SLCO2B1: variants seen among roughly 807,000 people sequenced by gnomAD.
SLCO2B1 encodes the protein OATP-RP2.
In SLCO2B1, 41 loss-of-function variants were observed where a neutral mutation model predicts 67.3. The ratio of observed to expected loss-of-function variants is 0.61; its 90% CI spans 0.47 to 0.79. The LOEUF is 0.79. Among genes scored for constraint, SLCO2B1 ranks in the 30% least tolerant of loss-of-function variants. The pLI, the probability that SLCO2B1 is intolerant of heterozygous loss-of-function variation, is 0.00. For missense variants in SLCO2B1, 837 were observed against 920.1 expected (o/e 0.91, Z 1.17); for synonymous variants, 379 against 381.4 (o/e 0.99, Z 0.07).
At chr11:75,153,582 T>G (rs1949714951) in intron 1 of SLCO2B1, among the ~76,000 whole-genome samples, 1 of 152,198 alleles carries the variant, frequency 6.6e-6, no homozygotes, top group Non-Finnish European at 1.5e-5. Flanking sequence ...GTGGTTTCTC[T>G]TCCCTTCCAC....
chr11:75,196,274 C>A, intron 9 of SLCO2B1: 1 of 525,662 alleles, frequency 1.9e-6, no homozygotes, highest in Non-Finnish European at 3.4e-6. Flanking sequence ...CACTGAGGTG[C>A]AGAGATGTTT....
chr11:75,192,912 T>G (rs1945044711), intron 8 of SLCO2B1, among the ~76,000 whole-genome samples: 1 of 151,976 alleles, frequency 6.6e-6, no homozygotes, highest in Non-Finnish European at 1.5e-5. Context: ...AGCATGGTGG[T>G]GCACACCTGT....
Position 75,200,217 on chromosome 11 carries a change from A to T in SLCO2B1, c.1600-7A>T, listed in dbSNP as rs531137418. 1.2e-6 allele frequency: 2 copies of T among 1,604,332 alleles called. No homozygotes were observed. Among genetic ancestry groups the T allele is most frequent in the South Asian group, 2.2e-5 (2 of 90,026 alleles). On this transcript the variant is annotated splice_region_variant and splice_polypyrimidine_tract_variant and intron_variant, in intron 10 of 13. Coordinates refer to ENST00000289575, the MANE Select transcript of SLCO2B1 (RefSeq NM_007256.5). Reference sequence around the variant, plus strand: ...CTTGAAGTCTCTTCCTCCTCTTCCCACTCCAGGTTTTCTACACCAACTGCA... The same window carrying T: ...CTTGAAGTCTCTTCCTCCTCTTCCCTCTCCAGGTTTTCTACACCAACTGCA...
rs558579169 is a variant in SLCO2B1, at chr11:75,195,715, T to G, written c.1434-799T>G. 2.0e-5 allele frequency among the ~76,000 whole-genome samples: 3 copies of G among 152,338 alleles called. No homozygotes were observed. In the East Asian group the frequency reaches 5.8e-4, roughly 29 times the overall value. ...TCCGCCTTTGGCCTCCTCTGCAGCC[T>G]GGCCACTGGACCCCTGTGTGACCCT... On this transcript the variant is annotated intron_variant, in intron 9 of 13. Transcript: ENST00000289575.
At chr11:75,202,494 G>GA (rs1945197075) in intron 11 of SLCO2B1, 1 of 215,972 alleles carries the variant, frequency 4.6e-6, no homozygotes, top group African/African-American at 2.2e-5. Flanking sequence ...ATAAATGCCA[G>GA]CCACTGGTGT....
At chr11:75,190,133 G>T (rs562858277) in intron 8 of SLCO2B1, among the ~76,000 whole-genome samples, 28 of 152,316 alleles carry the variant, frequency 1.8e-4, no homozygotes, top group Middle Eastern at 3.4e-3. Flanking sequence ...TAGGTCCCCG[G>T]CACTCTGCGC....
At position 75,169,640 on chromosome 11, in the gene SLCO2B1, A is replaced by G. The variant is rs758377212; in HGVS notation, c.683-26A>G. On this transcript the variant is annotated intron_variant, in intron 5 of 13. Coordinates refer to ENST00000289575, the MANE Select transcript of SLCO2B1 (RefSeq NM_007256.5). Reference sequence around the variant, plus strand: ...TGCAGAGGGAAGCCAGGGCCAGAGGATCCTAACTCAGGCTTTGTGTTGTAG... The same window carrying G: ...TGCAGAGGGAAGCCAGGGCCAGAGGGTCCTAACTCAGGCTTTGTGTTGTAG... 4 of 1,581,846 alleles carry G rather than the reference A, an allele frequency of 2.5e-6. No homozygotes were observed. In the Admixed American group the frequency reaches 6.9e-5, roughly 27 times the overall value.
Position 75,200,214 on chromosome 11 carries a change from C to T in SLCO2B1, c.1600-10C>T, listed in dbSNP as rs565567777. Reference sequence around the variant, plus strand: ...GCTCTTGAAGTCTCTTCCTCCTCTTCCCACTCCAGGTTTTCTACACCAACT... The same window carrying T: ...GCTCTTGAAGTCTCTTCCTCCTCTTTCCACTCCAGGTTTTCTACACCAACT... On this transcript the variant is annotated splice_polypyrimidine_tract_variant and intron_variant, in intron 10 of 13. Coordinates refer to ENST00000289575, the MANE Select transcript of SLCO2B1 (RefSeq NM_007256.5). 6.2e-7 allele frequency: 1 copy of T among 1,606,206 alleles called. No homozygotes were observed. Among genetic ancestry groups the T allele is most frequent in the African/African-American group, 1.3e-5 (1 of 74,952 alleles).
At chr11:75,195,856 G>C (rs1388064869) in intron 9 of SLCO2B1, among the ~76,000 whole-genome samples, 1 of 152,148 alleles carries the variant, frequency 6.6e-6, no homozygotes, top group African/African-American at 2.4e-5. Context: ...CCTCCTCCCA[G>C]GGTGACCTCC....
At chr11:75,161,710 A>G (rs1035739307) in intron 1 of SLCO2B1, among the ~76,000 whole-genome samples, 2 of 152,170 alleles carry the variant, frequency 1.3e-5, no homozygotes, top group African/African-American at 4.8e-5. Flanking sequence ...GGAGCCGCAG[A>G]AGGGGAGGAA....
intron 3 of SLCO2B1, among the ~76,000 whole-genome samples, chr11:75,164,438 T>G (rs1156482317): frequency 6.6e-6 from 1 of 152,146 alleles, no homozygotes; most frequent in Non-Finnish European, 1.5e-5. Flanking sequence ...GAAAGCCACT[T>G]CAACAGTAGT....
intron 12 of SLCO2B1, 171 bp downstream of exon 12, chr11:75,203,136 G>A (rs902558231): frequency 8.5e-7 from 1 of 1,170,348 alleles, no homozygotes; most frequent in Non-Finnish European, 1.2e-6. Context: ...TAGAGGCAGA[G>A]TCTAGACAGC....
At position 75,162,531 on chromosome 11, in the gene SLCO2B1, C is replaced by T. The variant is rs149265459; in HGVS notation, c.17-124C>T. On this transcript the variant is annotated intron_variant, in intron 1 of 13. Transcript: ENST00000289575. ...GAAGGTGATTTGATTCTCAGATTCT[C>T]ATCAACCACTAAGAACTCTTCTTCC... The T allele has an allele frequency of 8.5e-6, 9 of 1,053,612 alleles. No homozygotes were observed. In the East Asian group the frequency reaches 1.7e-4, roughly 20 times the overall value. 65.3% of individuals were successfully genotyped at this position (1,053,612 alleles called of 1,614,324 possible).
intron 2 of SLCO2B1, 32 bp from the exon 3 acceptor site, chr11:75,163,931 C>T (rs1295385980): frequency 3.2e-6 from 5 of 1,577,894 alleles, no homozygotes; most frequent in Non-Finnish European, 4.3e-6. Flanking sequence ...CCTGCACCGC[C>T]CACCTCTGCC....
intron 4 of SLCO2B1, among the ~76,000 whole-genome samples, chr11:75,168,310 G>A (rs1591815249): frequency 6.6e-6 from 1 of 152,140 alleles, no homozygotes; most frequent in East Asian, 1.9e-4. Context: ...CTTCTTTCAC[G>A]TTCTTGACCT....
chr11:75,175,766 G>A (rs186766335), intron 7 of SLCO2B1, among the ~76,000 whole-genome samples: 15 of 152,240 alleles, frequency 9.9e-5, no homozygotes, highest in Admixed American at 5.9e-4. Flanking sequence ...CCCCTGCCCC[G>A]AGGAGGTCTG....
intron 4 of SLCO2B1, among the ~76,000 whole-genome samples, chr11:75,168,016 C>T (rs1949912921): frequency 6.6e-6 from 1 of 151,782 alleles, no homozygotes; most frequent in African/African-American, 2.4e-5. Flanking sequence ...GCCTCAGCCT[C>T]CTGAGTAGCT....
chr11:75,182,718 G>T (rs1293925486), intron 7 of SLCO2B1, among the ~76,000 whole-genome samples: 1 of 152,040 alleles, frequency 6.6e-6, no homozygotes, highest in Admixed American at 6.6e-5. Flanking sequence ...CTCCAATCTG[G>T]GGGACACAGC....
At chr11:75,195,248 G>T (rs1168297506) in intron 9 of SLCO2B1, among the ~76,000 whole-genome samples, 1 of 152,180 alleles carries the variant, frequency 6.6e-6, no homozygotes, top group Non-Finnish European at 1.5e-5. Flanking sequence ...GCTCTTATCT[G>T]CTCAGCTTTC....
Sources: allele counts gnomAD v4.1 joint callset (sites outside exome capture counted in the v4.1 genomes callset), GRCh38; gene constraint gnomAD v4.1.1; transcripts MANE v1.5; gene names NCBI Gene and HGNC (gene_info 2026-07-23, HGNC 2026-07-21).